The following GFRA2 variants were observed in gnomAD, a reference collection of about 807,000 sequenced individuals.
GFRA2 encodes GDNF family receptor alpha 2, also known as GDNF family receptor alpha-2.
GFRA2 carries 17 observed loss-of-function variants against 48.3 expected under a neutral mutation model. That is an observed-to-expected ratio of 0.35 (90% CI 0.24 to 0.53). The LOEUF (loss-of-function observed/expected upper bound fraction) is 0.53. GFRA2 is among the 20% of genes least tolerant of loss of function. The pLI is 0.93. For missense variants in GFRA2, 660 were observed against 637.3 expected, an observed-to-expected ratio of 1.04 and a Z score of -0.38; for synonymous variants, 305 against 257.2, an observed-to-expected ratio of 1.19 and a Z score of -1.78.
intron 8 of GFRA2, 50 bp from the exon 9 acceptor site, chr8:21,693,450 G>A: frequency 6.5e-7 from 1 of 1,546,700 alleles, no homozygotes; most frequent in Non-Finnish European, 8.8e-7. Context: ...TGAAAACAAA[G>A]AAAACAGTCA....
At chr8:21,772,209 G>A (rs1806469926) in intron 3 of GFRA2, among the ~76,000 whole-genome samples, 1 of 152,188 alleles carries the variant, frequency 6.6e-6, no homozygotes. Context: ...CAGGTGATCT[G>A]TGGTGGGGAC....
At chr8:21,695,404 C>T (rs1197836428) in intron 7 of GFRA2, among the ~76,000 whole-genome samples, 2 of 152,134 alleles carry the variant, frequency 1.3e-5, no homozygotes, top group East Asian at 1.9e-4. Context: ...AATTATGCCG[C>T]AATCACTGCC....
intron 4 of GFRA2, among the ~76,000 whole-genome samples, chr8:21,735,184 C>A (rs1166594718): frequency 1.3e-5 from 2 of 152,198 alleles, no homozygotes; most frequent in Non-Finnish European, 1.5e-5. Context: ...GCAAAATAAA[C>A]TTTCTAAATT....
chr8:21,810,307 C>T (rs1479543698), intron 1 of GFRA2, among the ~76,000 whole-genome samples: 1 of 152,172 alleles, frequency 6.6e-6, no homozygotes, highest in Admixed American at 6.5e-5. Context: ...TTCCCCACTC[C>T]CTCCTTAGCA....
chr8:21,696,906 G>A (rs1214351661), intron 7 of GFRA2, among the ~76,000 whole-genome samples: 2 of 138,200 alleles, frequency 1.4e-5, no homozygotes, highest in African/African-American at 5.2e-5. Flanking sequence ...CAGAGTGAGA[G>A]GAGAGGGGAC....
At chr8:21,699,682 C>T (rs544274247) in intron 7 of GFRA2, among the ~76,000 whole-genome samples, 2 of 152,340 alleles carry the variant, frequency 1.3e-5, no homozygotes, top group Non-Finnish European at 2.9e-5. Context: ...AACAGAAAAG[C>T]ATTTTCACCT....
chr8:21,794,056 G>A (rs1434465637), intron 2 of GFRA2, among the ~76,000 whole-genome samples: 1 of 151,754 alleles, frequency 6.6e-6, no homozygotes, highest in Non-Finnish European at 1.5e-5. Flanking sequence ...GTCTCCATAT[G>A]TTACCCAGGC....
At chr8:21,769,479 T>G (rs1368978545) in intron 3 of GFRA2, among the ~76,000 whole-genome samples, 3 of 152,184 alleles carry the variant, frequency 2.0e-5, no homozygotes, top group Non-Finnish European at 2.9e-5. Context: ...TGCCAGTGCT[T>G]GCAGGGCAGC....
rs530741071 is a variant in GFRA2, at chr8:21,764,098, T to C, written c.439+10874A>G. Reference sequence around the variant, plus strand: ...TCTCACCTTCCCCTGTTTAAGCTGATTACCTTGTGTCTTGGTCTGTTCGGG... The same window carrying C: ...TCTCACCTTCCCCTGTTTAAGCTGACTACCTTGTGTCTTGGTCTGTTCGGG... On this transcript the variant is annotated intron_variant, in intron 3 of 8. Transcript: ENST00000524240. Among the ~76,000 whole-genome samples the C allele has an allele frequency of 2.6e-5, 4 of 152,246 alleles. No homozygotes were observed. The South Asian group carries it at 8.3e-4, about 32-fold the overall frequency.
chr8:21,805,954 C>T (rs1260954657), intron 1 of GFRA2, among the ~76,000 whole-genome samples: 4 of 152,216 alleles, frequency 2.6e-5, no homozygotes, highest in Non-Finnish European at 5.9e-5. Context: ...CAGAGGGTGG[C>T]AGTTCCCTCA....
intron 3 of GFRA2, among the ~76,000 whole-genome samples, chr8:21,769,995 C>A (rs950014197): frequency 5.3e-5 from 8 of 152,214 alleles, no homozygotes; most frequent in Non-Finnish European, 1.0e-4. Flanking sequence ...GTAGACAATG[C>A]CATCTCTTCT....
At chr8:21,800,641 G>A (rs1807753654) in intron 2 of GFRA2, among the ~76,000 whole-genome samples, 1 of 152,152 alleles carries the variant, frequency 6.6e-6, no homozygotes, top group Non-Finnish European at 1.5e-5. Flanking sequence ...AGTTCAACAG[G>A]GGGCCAGCCA....
At chr8:21,700,616 G>T (rs879631879) in intron 7 of GFRA2, among the ~76,000 whole-genome samples, 8 of 152,172 alleles carry the variant, frequency 5.3e-5, no homozygotes, top group Non-Finnish European at 1.2e-4. Context: ...GTCTTCACCA[G>T]GCCTCTGGTG....
intron 4 of GFRA2, among the ~76,000 whole-genome samples, chr8:21,715,466 G>T (rs920179272): frequency 6.6e-6 from 1 of 152,114 alleles, no homozygotes; most frequent in African/African-American, 2.4e-5. Context: ...GCACCACCAC[G>T]CATGGCTAAT....
chr8:21,747,656 C>G (rs1354580216), intron 4 of GFRA2, among the ~76,000 whole-genome samples: 1 of 151,756 alleles, frequency 6.6e-6, no homozygotes, highest in Non-Finnish European at 1.5e-5. Flanking sequence ...CTCTGCGGTC[C>G]CTGGCCCTGG....
At chr8:21,721,416 G>A (rs539284609) in intron 4 of GFRA2, among the ~76,000 whole-genome samples, 34 of 152,278 alleles carry the variant, frequency 2.2e-4, no homozygotes, top group African/African-American at 7.9e-4. Flanking sequence ...AGTGCCTTGG[G>A]GACCTACAGA....
At chr8:21,693,453 A>T (rs1801972162) in intron 8 of GFRA2, 53 bp from the exon 9 acceptor site, 2 of 1,534,832 alleles carry the variant, frequency 1.3e-6, no homozygotes, top group South Asian at 1.2e-5. Context: ...AAACAAAGAA[A>T]ACAGTCAGGA....
chr8:21,749,755 G>A (rs1042329863), intron 4 of GFRA2, among the ~76,000 whole-genome samples: 1 of 151,136 alleles, frequency 6.6e-6, no homozygotes, highest in Non-Finnish European at 1.5e-5. Context: ...ATGGGTCCTG[G>A]AGTCGGACGG....
rs1201650764 is a variant in GFRA2, at chr8:21,788,608, T to C, written c.-449A>G. ...GGCGAGGGAGGGGGTCGGAATAAAA[T>C]GCAAATAGAAAAGAAATCCACAGAC... On this transcript the variant is annotated 5_prime_UTR_variant, in exon 1 of 9. Coordinates refer to ENST00000524240, the MANE Select transcript of GFRA2 (RefSeq NM_001495.5). 1.9e-5 allele frequency: 19 copies of C among 990,970 alleles called. No homozygotes were observed. The East Asian group carries it at 1.2e-3, about 63-fold the overall frequency. The allele number at this position is 990,970 out of a possible 1,614,324, so 61.4% of individuals were successfully genotyped here.
Sources: gnomAD v4.1 joint callset for allele counts (sites outside exome capture counted in the v4.1 genomes callset) on GRCh38, gnomAD v4.1.1 for gene constraint, MANE v1.5 for transcripts, NCBI Gene and HGNC (gene_info 2026-07-23, HGNC 2026-07-21) for gene names.